The following ESR1 variants were observed in gnomAD, a reference collection of about 807,000 sequenced individuals.
ESR1 encodes the protein estrogen receptor 1.
ESR1 carries 12 observed loss-of-function variants against 52.7 expected under a neutral mutation model. The observed-to-expected ratio is 0.23, with a 90% CI of 0.15 to 0.37. The LOEUF (loss-of-function observed/expected upper bound fraction) is 0.37. Ranked by LOEUF, ESR1 falls within the 10% of genes least tolerant of loss-of-function variation. ESR1 has a pLI of 1.00. For synonymous variants in ESR1, 305 were observed against 316.8 expected (o/e 0.96, Z 0.39); for missense variants, 584 against 779.7 (o/e 0.75, Z 2.99).
At chr6:151,921,804 T>A (rs2031737916) in intron 3 of ESR1, among the ~76,000 whole-genome samples, 1 of 152,182 alleles carries the variant, frequency 6.6e-6, no homozygotes, top group South Asian at 2.1e-4. Context: ...TTCTTGCAAA[T>A]TTGTCTAAGT....
chr6:151,779,307 A>G (rs951364286), intron 2 of ESR1, among the ~76,000 whole-genome samples: 19 of 152,370 alleles, frequency 1.2e-4, no homozygotes, highest in African/African-American at 4.1e-4. Flanking sequence ...AGTTTTCTGC[A>G]TATGGCTAGC....
At chr6:151,666,697 CCTCCTCCT>C in intron 1 of ESR1, among the ~76,000 whole-genome samples, 1 of 18,386 alleles carries the variant, frequency 5.4e-5, no homozygotes, top group South Asian at 2.3e-3. Context: ...TCCCCATCCC[CCTCCTCCT>C]CCTCCTCCTC....
chr6:152,084,767 C>A lies in ESR1; in HGVS notation c.1370-9618C>A, dbSNP rs144720273. On this transcript the variant is annotated intron_variant, in intron 6 of 7. Transcript: ENST00000206249. ...TTTTTCAGACAAAGTTCTACAAAGTCTATTTCTCACAAGTAGGACTTTGGC... is the reference window on the plus strand; with the variant it reads ...TTTTTCAGACAAAGTTCTACAAAGTATATTTCTCACAAGTAGGACTTTGGC... Among the ~76,000 whole-genome samples, 133 of 151,422 alleles carry A rather than the reference C, an allele frequency of 8.8e-4. No homozygotes were observed. In the Middle Eastern group the frequency reaches 0.032, roughly 36 times the overall value.
At position 152,061,055 on chromosome 6, in the gene ESR1, C is replaced by T. The variant is rs777783665; in HGVS notation, c.1300C>T (p.Arg434Trp). The change falls in exon 6 of 8, where the codon CGG becomes TGG. Residue 434 changes from arginine (R) to tryptophan (W), a missense_variant. Arg to Trp is a moderately radical substitution (Grantham distance 101, BLOSUM62 -3). Transcript: ENST00000206249. The surrounding 1 kb of genome is among the most constrained non-coding windows in gnomAD (Gnocchi z 4.3). ...IFDMLLATSS[R>W]FRMMNLQGEE... Reference sequence around the variant, plus strand: ...CGACATGCTGCTGGCTACATCATCTCGGTTCCGCATGATGAATCTGCAGGG... The same window carrying T: ...CGACATGCTGCTGGCTACATCATCTTGGTTCCGCATGATGAATCTGCAGGG... 8.1e-6 allele frequency: 13 copies of T among 1,612,916 alleles called. No individual in the cohort carries two copies. Among genetic ancestry groups the T allele is most frequent in the East Asian group, 2.2e-5 (1 of 44,848 alleles).
chr6:151,947,418 C>A (rs139681635), intron 4 of ESR1, among the ~76,000 whole-genome samples: 1 of 152,136 alleles, frequency 6.6e-6, no homozygotes, highest in African/African-American at 2.4e-5. Context: ...GATACAAAAA[C>A]CCTCATGAAA....
Position 152,041,178 on chromosome 6 carries a change from T to C in ESR1, c.1236-19813T>C, listed in dbSNP as rs565848104. ...AATTCCTAGAGGCCTCCCCTGTGATTGACCTATAGGGGCCTGCCAAGGGCT... is the reference window on the plus strand; with the variant it reads ...AATTCCTAGAGGCCTCCCCTGTGATCGACCTATAGGGGCCTGCCAAGGGCT... On this transcript the variant is annotated intron_variant, in intron 5 of 7. Coordinates refer to ENST00000206249, the MANE Select transcript of ESR1 (RefSeq NM_000125.4). 3.7e-4 allele frequency among the ~76,000 whole-genome samples: 57 copies of C among 152,304 alleles called. No homozygotes were observed. The South Asian group carries it at 0.012, about 32-fold the overall frequency.
At chr6:152,018,711 G>T (rs933751937) in intron 5 of ESR1, among the ~76,000 whole-genome samples, 3 of 152,048 alleles carry the variant, frequency 2.0e-5, no homozygotes, top group Non-Finnish European at 4.4e-5. Context: ...TTCCACCATC[G>T]CTTTCCAGGA....
intron 3 of ESR1, among the ~76,000 whole-genome samples, chr6:151,906,185 A>T (rs2128420773): frequency 6.6e-6 from 1 of 152,328 alleles, no homozygotes; most frequent in Admixed American, 6.5e-5. Context: ...CCACAGAAGT[A>T]GTAGGACAGG....
At chr6:151,944,564 G>C in intron 4 of ESR1, 56 bp downstream of exon 4, 1 of 1,481,566 alleles carries the variant, frequency 6.7e-7, no homozygotes, top group Non-Finnish European at 9.4e-7. Context: ...AACTTGTTGT[G>C]ATGTCATGGG....
At chr6:151,819,613 C>T (rs1256784859) in intron 1 of ESR1, among the ~76,000 whole-genome samples, 1 of 152,178 alleles carries the variant, frequency 6.6e-6, no homozygotes, top group African/African-American at 2.4e-5. Flanking sequence ...CCATCACCCC[C>T]AGATGGGACT....
At chr6:151,832,278 C>T (rs1432106442) in intron 1 of ESR1, among the ~76,000 whole-genome samples, 2 of 152,198 alleles carry the variant, frequency 1.3e-5, no homozygotes. Context: ...GCCCAGGAGT[C>T]ATTTACCTTG....
intron 2 of ESR1, among the ~76,000 whole-genome samples, chr6:151,767,052 CT>C: frequency 6.6e-6 from 1 of 152,278 alleles, no homozygotes; most frequent in East Asian, 1.9e-4. Flanking sequence ...TTCATAGAAT[CT>C]TTTACACCAC....
intron 3 of ESR1, among the ~76,000 whole-genome samples, chr6:151,882,653 A>G (rs1793138269): frequency 6.6e-6 from 1 of 152,214 alleles, no homozygotes; most frequent in Admixed American, 6.5e-5. Context: ...AGGCTCTTCC[A>G]TACATTCTCC....
At chr6:152,079,474 C>T (rs918081159) in intron 6 of ESR1, among the ~76,000 whole-genome samples, 1 of 152,140 alleles carries the variant, frequency 6.6e-6, no homozygotes, top group South Asian at 2.1e-4. Flanking sequence ...ACACCAAAAC[C>T]CCATCTGTAG....
At chr6:151,788,816 G>A (rs1023508600) in intron 2 of ESR1, among the ~76,000 whole-genome samples, 15 of 152,182 alleles carry the variant, frequency 9.9e-5, no homozygotes, top group African/African-American at 3.6e-4. Context: ...CATGGAAGGA[G>A]CTGGAGGCCA....
chr6:152,033,682 T>G (rs2044969967), intron 5 of ESR1, among the ~76,000 whole-genome samples: 1 of 152,164 alleles, frequency 6.6e-6, no homozygotes, highest in Non-Finnish European at 1.5e-5. Context: ...AGGAAGACTT[T>G]TACACTGTTG....
intron 2 of ESR1, among the ~76,000 whole-genome samples, chr6:151,871,113 A>T (rs1465064147): frequency 6.6e-6 from 1 of 151,778 alleles, no homozygotes; most frequent in African/African-American, 2.4e-5. Flanking sequence ...AGCCTCCCAA[A>T]GTGCCTGGAA....
intron 3 of ESR1, among the ~76,000 whole-genome samples, chr6:151,896,458 C>A (rs2128386125): frequency 6.6e-6 from 1 of 152,142 alleles, no homozygotes; most frequent in East Asian, 1.9e-4. Flanking sequence ...TCTAGGTTTT[C>A]TAGTTTATGT....
chr6:151,984,699 C>A (rs778048150), intron 4 of ESR1, among the ~76,000 whole-genome samples: 4 of 152,128 alleles, frequency 2.6e-5, no homozygotes, highest in Non-Finnish European at 5.9e-5. Context: ...CTTGAATAAG[C>A]TGCTTCAATT....
Sources: gnomAD v4.1 joint callset for allele counts (sites outside exome capture counted in the v4.1 genomes callset) on GRCh38, gnomAD v4.1.1 for gene constraint, Gnocchi (gnomAD v3.1) non-coding constraint, MANE v1.5 for transcripts, NCBI Gene and HGNC (gene_info 2026-07-23, HGNC 2026-07-21) for gene names.